The following ROBO2 variants were observed in gnomAD, a reference collection of about 807,000 sequenced individuals.
The protein encoded by ROBO2 is roundabout homolog 2.
Under a neutral mutation model 160.8 loss-of-function variants are expected in ROBO2, and 53 were observed. The observed-to-expected ratio is 0.33, with a 90% CI of 0.26 to 0.41. The LOEUF (loss-of-function observed/expected upper bound fraction) is 0.41. ROBO2 is among the 10% of genes least tolerant of loss of function. ROBO2 has a pLI of 1.00. For synonymous variants in ROBO2, 664 were observed against 611.7 expected, an observed-to-expected ratio of 1.09 and a Z score of -1.26; for missense variants, 1,577 against 1,722.4, an observed-to-expected ratio of 0.92 and a Z score of 1.49.
chr3:76,693,189 G>A (rs2092846169), intron 2 of ROBO2, among the ~76,000 whole-genome samples: 1 of 147,980 alleles, frequency 6.8e-6, no homozygotes, highest in Non-Finnish European at 1.5e-5. Flanking sequence ...TCTATATATA[G>A]TGTATATATA....
chr3:76,775,868 G>A (rs1017527348), intron 2 of ROBO2, among the ~76,000 whole-genome samples: 13 of 150,822 alleles, frequency 8.6e-5, no homozygotes, highest in Admixed American at 2.0e-4. Flanking sequence ...TGGGAAAAAA[G>A]TATGTAGCAC....
rs146572750 is a variant in ROBO2, at chr3:76,926,911, A to G, written c.110-171103A>G. On this transcript the variant is annotated intron_variant, in intron 2 of 26. Coordinates refer to the ROBO2 transcript ENST00000487694. ...AAGAGGACTCCGTTTTTTTTCAAGC[A>G]TTCAAAGCCTAGCAGCAAATAATGG... Among the ~76,000 whole-genome samples the G allele has an allele frequency of 1.5e-3, 221 of 152,224 alleles. 2 individuals are homozygous for G. The highest frequency in any genetic ancestry group is 5.2e-3 in the African/African-American group (216 of 41,554).
intron 13 of ROBO2, among the ~76,000 whole-genome samples, chr3:77,573,263 G>T (rs745998111): frequency 3.4e-4 from 52 of 151,872 alleles, no homozygotes; most frequent in Non-Finnish European, 6.5e-4. Flanking sequence ...ATCCATAGTT[G>T]TTTTCTCCCT....
At chr3:77,103,506 A>C (rs1033350276) in intron 2 of ROBO2, among the ~76,000 whole-genome samples, 1 of 152,050 alleles carries the variant, frequency 6.6e-6, no homozygotes, top group East Asian at 1.9e-4. Context: ...AAATGACTAC[A>C]TGTTCAAAAG....
chr3:76,666,238 T>G (rs1207812230), intron 2 of ROBO2, among the ~76,000 whole-genome samples: 3 of 151,948 alleles, frequency 2.0e-5, no homozygotes, highest in East Asian at 1.9e-4. Flanking sequence ...TTTCTTGTGC[T>G]TAGCACATAA....
At chr3:77,093,827 A>G (rs1267978715) in intron 1 of ROBO2, among the ~76,000 whole-genome samples, 2 of 151,940 alleles carry the variant, frequency 1.3e-5, no homozygotes, top group Non-Finnish European at 2.9e-5. Flanking sequence ...TTATGTCCTA[A>G]TTATCTATTG....
chr3:76,248,541 A>C (rs1242845954), intron 2 of ROBO2, among the ~76,000 whole-genome samples: 4 of 151,590 alleles, frequency 2.6e-5, no homozygotes, highest in African/African-American at 9.7e-5. Flanking sequence ...ACCTAATGCT[A>C]GATGACAAGT....
At chr3:77,470,900 C>T (rs751556159) in intron 2 of ROBO2, among the ~76,000 whole-genome samples, 7 of 152,120 alleles carry the variant, frequency 4.6e-5, no homozygotes, top group Admixed American at 1.3e-4. Flanking sequence ...GAAAACCTGC[C>T]GGCAGGAAAG....
At chr3:76,113,814 G>A (rs1327103295) in intron 2 of ROBO2, among the ~76,000 whole-genome samples, 2 of 152,136 alleles carry the variant, frequency 1.3e-5, no homozygotes, top group Non-Finnish European at 2.9e-5. Flanking sequence ...TGGGTCTTGA[G>A]GATGGATCCC....
intron 16 of ROBO2, among the ~76,000 whole-genome samples, chr3:77,583,271 A>T (rs778341580): frequency 2.6e-5 from 4 of 151,766 alleles, no homozygotes; most frequent in Non-Finnish European, 4.4e-5. Flanking sequence ...TCTTGGCTGC[A>T]TCATATTTTA....
rs148024739 is a variant in ROBO2 at position 77,630,265 on chromosome 3, C to A, written c.3761-4605C>A. ...ACTACTGTAAAGATATTACCGGAGACTGGGTAATCTACAAACAAAAGAGGT... is the reference window on the plus strand; with the variant it reads ...ACTACTGTAAAGATATTACCGGAGAATGGGTAATCTACAAACAAAAGAGGT... On this transcript the variant is annotated intron_variant, in intron 23 of 25. Coordinates refer to ENST00000461745, the Ensembl canonical transcript of ROBO2. The A allele has an allele frequency of 9.5e-3, 1,453 of 152,242 alleles. 25 individuals carry two copies. The highest frequency in any genetic ancestry group is 0.011 in the Non-Finnish European group (719 of 68,060). The allele number at this position is 152,242 out of a possible 1,614,324, so 9.4% of individuals were successfully genotyped here. A position where few individuals can be genotyped will look rare whatever the true frequency, so the allele number is the denominator to read the frequency against.
chr3:76,433,465 G>C (rs574744687), intron 2 of ROBO2, among the ~76,000 whole-genome samples: 7 of 152,248 alleles, frequency 4.6e-5, no homozygotes, highest in Middle Eastern at 3.4e-3. Context: ...TTAAATAGCT[G>C]TCAACCTACA....
intron 2 of ROBO2, among the ~76,000 whole-genome samples, chr3:76,765,172 C>G (rs1048769824): frequency 6.6e-6 from 1 of 151,626 alleles, no homozygotes; most frequent in African/African-American, 2.4e-5. Flanking sequence ...ACATCAGTGC[C>G]CAACTATATC....
chr3:76,251,881 G>A (rs1706026154), intron 2 of ROBO2, among the ~76,000 whole-genome samples: 1 of 152,014 alleles, frequency 6.6e-6, no homozygotes, highest in Admixed American at 6.6e-5. Context: ...AATATAGCAG[G>A]CACCATTATA....
intron 2 of ROBO2, among the ~76,000 whole-genome samples, chr3:77,304,213 C>T (rs2062898040): frequency 6.6e-6 from 1 of 152,144 alleles, no homozygotes; most frequent in Non-Finnish European, 1.5e-5. Context: ...GTAAATATCG[C>T]TGTCATATTG....
chr3:76,528,375 G>T (rs1311497507), intron 2 of ROBO2, among the ~76,000 whole-genome samples: 1 of 152,024 alleles, frequency 6.6e-6, no homozygotes, highest in Non-Finnish European at 1.5e-5. Flanking sequence ...GAGAAGGTGG[G>T]TAGAATTGAT....
intron 2 of ROBO2, among the ~76,000 whole-genome samples, chr3:76,280,981 G>A (rs909005648): frequency 1.3e-5 from 2 of 152,074 alleles, no homozygotes; most frequent in South Asian, 4.1e-4. Context: ...AAGTCTCACC[G>A]TTTGTGCTGA....
chr3:76,935,288 T>G (rs1225955405), intron 2 of ROBO2, among the ~76,000 whole-genome samples: 1 of 152,152 alleles, frequency 6.6e-6, no homozygotes, highest in African/African-American at 2.4e-5. Context: ...GAAAACAGTA[T>G]CCACAGCTTT....
intron 9 of ROBO2, among the ~76,000 whole-genome samples, chr3:77,559,472 G>T (rs974405015): frequency 4.6e-5 from 7 of 152,106 alleles, no homozygotes; most frequent in African/African-American, 1.7e-4. Context: ...TAAGGTAGAT[G>T]ATGTAATAGT....
Sources: allele counts gnomAD v4.1 joint callset (sites outside exome capture counted in the v4.1 genomes callset), GRCh38; gene constraint gnomAD v4.1.1; transcripts MANE v1.5; gene names NCBI Gene and HGNC (gene_info 2026-07-23, HGNC 2026-07-21).